BCAS3: variants seen among roughly 807,000 people sequenced by gnomAD.
The protein encoded by BCAS3 is BCAS4/BCAS3 fusion.
BCAS3 carries 53 observed loss-of-function variants against 116.1 expected under a neutral mutation model. The observed-to-expected ratio is 0.46, with a 90% CI of 0.37 to 0.57. BCAS3 has a LOEUF of 0.57. BCAS3 is among the 20% of genes least tolerant of loss of function. The pLI, the probability that BCAS3 is intolerant of heterozygous loss-of-function variation, is 0.00. For missense variants in BCAS3, 917 were observed against 1,165.4 expected (o/e 0.79, Z 3.10); for synonymous variants, 391 against 408.2 (o/e 0.96, Z 0.51).
At chr17:61,336,876 G>A (rs1056977488) in intron 22 of BCAS3, among the ~76,000 whole-genome samples, 2 of 152,162 alleles carry the variant, frequency 1.3e-5, no homozygotes, top group African/African-American at 4.8e-5. Context: ...ACTTTGGGAG[G>A]CCAAGGCGGG....
At chr17:61,304,743 T>G (rs1443818031) in intron 22 of BCAS3, among the ~76,000 whole-genome samples, 1 of 151,990 alleles carries the variant, frequency 6.6e-6, no homozygotes, top group Non-Finnish European at 1.5e-5. Context: ...TGAATTCTAT[T>G]TTCCTTCCCA....
At position 61,088,542 on chromosome 17, in the gene BCAS3, C is replaced by T. The variant is rs1281535986; in HGVS notation, c.2425+3978C>T. On this transcript the variant is annotated intron_variant, in intron 22 of 23. Transcript: ENST00000407086. This position sits in a 1 kb window ranked among gnomAD's most constrained non-coding sequence, Gnocchi z 4.2. ...CCCTTCTTTTGATAAAGATGTAGGA[C>T]CTCTAAAGAGAAAGCAGAAAGACAG... Among the ~76,000 whole-genome samples the T allele has an allele frequency of 2.6e-5, 4 of 152,170 alleles. No individual in the cohort carries two copies. Among genetic ancestry groups the T allele is most frequent in the African/African-American group, 4.8e-5 (2 of 41,442 alleles).
intron 7 of BCAS3, among the ~76,000 whole-genome samples, chr17:60,832,268 C>T (rs2051005568): frequency 6.6e-6 from 1 of 152,176 alleles, no homozygotes; most frequent in Non-Finnish European, 1.5e-5. Context: ...CAGGACTCTA[C>T]ACATGGAACT....
At chr17:60,804,150 T>C (rs2048065230) in intron 6 of BCAS3, among the ~76,000 whole-genome samples, 1 of 151,458 alleles carries the variant, frequency 6.6e-6, no homozygotes. Flanking sequence ...TATGTATGTA[T>C]ACATATATGC....
chr17:60,730,876 T>C (rs2040390269), intron 5 of BCAS3, among the ~76,000 whole-genome samples: 1 of 152,180 alleles, frequency 6.6e-6, no homozygotes, highest in Non-Finnish European at 1.5e-5. Flanking sequence ...TATTATCAAA[T>C]TGGCTTACAG....
chr17:60,697,083 G>T (rs572508227), intron 4 of BCAS3, among the ~76,000 whole-genome samples: 2 of 151,964 alleles, frequency 1.3e-5, no homozygotes, highest in Non-Finnish European at 2.9e-5. Context: ...CTACCTACTC[G>T]AGAGGCTGAG....
rs535007951 is a variant in BCAS3 at position 61,211,465 on chromosome 17, A to C, written c.2425+126901A>C. Among the ~76,000 whole-genome samples the C allele has an allele frequency of 3.0e-4, 46 of 152,304 alleles. No homozygotes were observed. The highest frequency in any genetic ancestry group is 6.0e-4 in the Non-Finnish European group (41 of 68,028). On this transcript the variant is annotated intron_variant, in intron 22 of 23. Transcript: ENST00000407086. The surrounding 1 kb of genome is among the most constrained non-coding windows in gnomAD (Gnocchi z 4.4). ...CTTTTGAGTTGACCTCCCTTGGATG[A>C]GTAGCTCTTTGAAAGCTGATTTAAA...
chr17:61,077,583 C>T lies in BCAS3; in HGVS notation c.2131-750C>T, dbSNP rs1386038303. 6.6e-6 allele frequency among the ~76,000 whole-genome samples: 1 copy of T among 151,994 alleles called. No individual in the cohort carries two copies. Among genetic ancestry groups the T allele is most frequent in the Non-Finnish European group, 1.5e-5 (1 of 67,976 alleles). On this transcript the variant is annotated intron_variant, in intron 20 of 23. Transcript: ENST00000407086. The surrounding 1 kb of genome is among the most constrained non-coding windows in gnomAD (Gnocchi z 4.3). ...AACATTCCCTATCCCCCCCATTGAG[C>T]GTGAAATTCATAAAGCATTTTGGTA...
At chr17:61,322,794 C>G (rs868603436) in intron 22 of BCAS3, among the ~76,000 whole-genome samples, 460 of 99,532 alleles carry the variant, frequency 4.6e-3, no homozygotes, top group African/African-American at 8.0e-3. Flanking sequence ...GAGAGAGAGA[C>G]AGAGAGAGAG....
chr17:61,171,234 T>G lies in BCAS3; in HGVS notation c.2425+86670T>G, dbSNP rs1330550989. On this transcript the variant is annotated intron_variant, in intron 22 of 23. Transcript: ENST00000407086. This position sits in a 1 kb window ranked among gnomAD's most constrained non-coding sequence, Gnocchi z 4.1. ...TCCTAAATGTGTAGACTTGGATAAG[T>G]TACAAATATATGCTATACATTCTAA... Among the ~76,000 whole-genome samples, 2 of 152,118 alleles carry G rather than the reference T, an allele frequency of 1.3e-5. No individual in the cohort carries two copies. The highest frequency in any genetic ancestry group is 2.9e-5 in the Non-Finnish European group (2 of 68,024).
intron 22 of BCAS3, among the ~76,000 whole-genome samples, chr17:61,166,204 G>T (rs1428910861): frequency 6.6e-6 from 1 of 152,038 alleles, no homozygotes; most frequent in African/African-American, 2.4e-5. Context: ...TTCCCTCATG[G>T]CATATTTTTT....
At chr17:61,250,441 A>G (rs911227938) in intron 22 of BCAS3, among the ~76,000 whole-genome samples, 4 of 152,166 alleles carry the variant, frequency 2.6e-5, no homozygotes, top group Non-Finnish European at 5.9e-5. Context: ...CTTGTTTTTC[A>G]TTTTAAAGAG....
At chr17:60,779,989 T>G (rs971301340) in intron 6 of BCAS3, among the ~76,000 whole-genome samples, 2 of 151,974 alleles carry the variant, frequency 1.3e-5, no homozygotes, top group Non-Finnish European at 2.9e-5. Context: ...TTTACTATTT[T>G]TAATTTTTTT....
At chr17:60,805,262 T>C (rs1188757646) in intron 6 of BCAS3, among the ~76,000 whole-genome samples, 1 of 152,204 alleles carries the variant, frequency 6.6e-6, no homozygotes, top group African/African-American at 2.4e-5. Context: ...TTCATTAGCA[T>C]TTATTTCCCT....
chr17:61,116,257 T>TC (rs2075439696), intron 22 of BCAS3, among the ~76,000 whole-genome samples: 2 of 51,312 alleles, frequency 3.9e-5, no homozygotes, highest in South Asian at 2.7e-3. Context: ...AATAAATAAA[T>TC]AAATAAATAA....
At chr17:60,940,985 G>T (rs1228261869) in intron 13 of BCAS3, among the ~76,000 whole-genome samples, 1 of 152,202 alleles carries the variant, frequency 6.6e-6, no homozygotes, top group Non-Finnish European at 1.5e-5. Context: ...CTGACGCCCA[G>T]TTGAAAAGAC....
chr17:61,237,156 C>T (rs938558363), intron 22 of BCAS3, among the ~76,000 whole-genome samples: 1 of 152,188 alleles, frequency 6.6e-6, no homozygotes. Flanking sequence ...ACTTTTCTGT[C>T]TTACAAGAGG....
intron 14 of BCAS3, among the ~76,000 whole-genome samples, chr17:60,984,986 G>C (rs1164281625): frequency 1.4e-5 from 2 of 143,936 alleles, no homozygotes; most frequent in African/African-American, 5.3e-5. Flanking sequence ...CTCTAGCCTG[G>C]GTGACAGAGT....
At chr17:60,858,030 C>A (rs1361925811) in intron 7 of BCAS3, among the ~76,000 whole-genome samples, 2 of 151,930 alleles carry the variant, frequency 1.3e-5, no homozygotes, top group East Asian at 3.8e-4. Flanking sequence ...ATCATGAGCT[C>A]CTAATTGAAG....
Sources: allele counts gnomAD v4.1 joint callset (sites outside exome capture counted in the v4.1 genomes callset), GRCh38; gene constraint gnomAD v4.1.1; non-coding constraint Gnocchi (gnomAD v3.1); transcripts MANE v1.5; gene names NCBI Gene and HGNC (gene_info 2026-07-23, HGNC 2026-07-21).